The following RCOR1 variants were observed in gnomAD, a reference collection of about 807,000 sequenced individuals.
RCOR1 encodes REST corepressor 1.
Under a neutral mutation model 64.0 loss-of-function variants are expected in RCOR1, and 12 were observed. That is an observed-to-expected ratio of 0.19 (90% CI 0.12 to 0.30). The LOEUF (loss-of-function observed/expected upper bound fraction) is 0.30. RCOR1 is among the 10% of genes least tolerant of loss of function. The pLI is 1.00. For missense variants in RCOR1, 502 were observed against 621.2 expected (o/e 0.81, Z 2.04); for synonymous variants, 279 against 227.2 (o/e 1.23, Z -2.05).
chr14:102,631,242 G>T (rs1187527133), intron 2 of RCOR1, among the ~76,000 whole-genome samples: 1 of 149,624 alleles, frequency 6.7e-6, no homozygotes, highest in South Asian at 2.1e-4. Context: ...TTGCTGTGTC[G>T]CCTGGGCTGG....
intron 2 of RCOR1, among the ~76,000 whole-genome samples, chr14:102,650,025 C>T (rs956098908): frequency 1.3e-4 from 20 of 151,704 alleles, no homozygotes; most frequent in African/African-American, 3.4e-4. Flanking sequence ...GGTGAAACCC[C>T]GTCTCTACTA....
Position 102,707,425 on chromosome 14 carries a change from C to T in RCOR1, c.573C>T (p.Phe191=), listed in dbSNP as rs1216368840. ...CTGATTTGCCCAACTTTACCCCTTTCCCAGATGAGTGGACTGTGGAAGATA... is the reference window on the plus strand; with the variant it reads ...CTGATTTGCCCAACTTTACCCCTTTTCCAGATGAGTGGACTGTGGAAGATA... The part of the protein sequence containing the change: ...SLADLPNFTP[F]PDEWTVEDKV... The change falls in exon 5 of 12, where the codon TTC becomes TTT. Residue 191 remains phenylalanine, a synonymous_variant. Coordinates refer to ENST00000262241, the MANE Select transcript of RCOR1 (RefSeq NM_015156.4). 4 of 1,613,554 alleles carry T rather than the reference C, an allele frequency of 2.5e-6. No homozygotes were observed.
chr14:102,604,256 T>G (rs1001993255), intron 2 of RCOR1, among the ~76,000 whole-genome samples: 4 of 152,208 alleles, frequency 2.6e-5, no homozygotes, highest in African/African-American at 9.6e-5. Context: ...TAGTAGCATA[T>G]AGGTTAAAGG....
intron 2 of RCOR1, among the ~76,000 whole-genome samples, chr14:102,618,452 GA>G (rs1053460893): frequency 2.0e-5 from 3 of 150,332 alleles, no homozygotes; most frequent in South Asian, 2.1e-4. Context: ...TCTTCAGGGG[GA>G]AAAAAAAAGC....
chr14:102,726,283 G>A (rs1896259905), intron 11 of RCOR1, among the ~76,000 whole-genome samples, 185 bp from the exon 12 acceptor site: 1 of 150,538 alleles, frequency 6.6e-6, no homozygotes, highest in South Asian at 2.1e-4. Flanking sequence ...CCGAGATAGC[G>A]CCACTGCACT....
chr14:102,624,439 A>C (rs183499784), intron 2 of RCOR1, among the ~76,000 whole-genome samples: 96 of 150,580 alleles, frequency 6.4e-4, no homozygotes, highest in African/African-American at 2.3e-3. Flanking sequence ...CAGGAGGCAG[A>C]GGTTACAGTG....
At chr14:102,601,642 C>G (rs1476604816) in intron 2 of RCOR1, among the ~76,000 whole-genome samples, 1 of 152,208 alleles carries the variant, frequency 6.6e-6, no homozygotes, top group Non-Finnish European at 1.5e-5. Context: ...CAGAGAAAAT[C>G]TCAGCCAGAG....
chr14:102,595,046 C>T (rs1009647283), intron 2 of RCOR1, among the ~76,000 whole-genome samples: 11 of 152,184 alleles, frequency 7.2e-5, no homozygotes, highest in African/African-American at 2.7e-4. Flanking sequence ...TTCTGACATT[C>T]ATCGAAATAT....
At chr14:102,621,012 C>A (rs1351370945) in intron 2 of RCOR1, among the ~76,000 whole-genome samples, 2 of 152,158 alleles carry the variant, frequency 1.3e-5, no homozygotes, top group East Asian at 3.8e-4. Flanking sequence ...TTCTGGTCAC[C>A]TATTGTTAAA....
intron 11 of RCOR1, among the ~76,000 whole-genome samples, chr14:102,724,881 A>G (rs1781915541): frequency 6.6e-6 from 1 of 152,302 alleles, no homozygotes; most frequent in Non-Finnish European, 1.5e-5. Context: ...CAGCTGAGAA[A>G]GATGTCTGCT....
rs549492981 is a variant in RCOR1 at position 102,723,010 on chromosome 14, T to TG, written c.1419+595dup. Among the ~76,000 whole-genome samples, 57 of 152,332 alleles carry TG rather than the reference T, an allele frequency of 3.7e-4. 3 individuals are homozygous for TG. The South Asian group carries it at 0.011, about 30-fold the overall frequency. The stretch of plus-strand genomic sequence containing the variant: ...ACCCTGGTCTCATCTGTCACCTCCC[T>TG]GCTTCCTGTGTCAGGGGCACCTGCC... On this transcript the variant is annotated intron_variant, in intron 11 of 11. Coordinates refer to ENST00000262241, the MANE Select transcript of RCOR1 (RefSeq NM_015156.4).
At chr14:102,725,274 C>T (rs1215716660) in intron 11 of RCOR1, among the ~76,000 whole-genome samples, 6 of 152,148 alleles carry the variant, frequency 3.9e-5, no homozygotes, top group African/African-American at 7.2e-5. Context: ...AATCACTTTG[C>T]GATTTTGGAT....
intron 8 of RCOR1, among the ~76,000 whole-genome samples, chr14:102,715,460 TA>T (rs1391408040): frequency 6.8e-6 from 1 of 147,746 alleles, no homozygotes; most frequent in African/African-American, 2.5e-5. Context: ...TGGCTCACTG[TA>T]ACCTTTGCTT....
intron 2 of RCOR1, among the ~76,000 whole-genome samples, chr14:102,646,203 G>C (rs976211803): frequency 6.6e-6 from 1 of 152,152 alleles, no homozygotes; most frequent in Non-Finnish European, 1.5e-5. Flanking sequence ...TTACATCCCT[G>C]TCTGATCACC....
chr14:102,718,751 C>T (rs1408538012), intron 8 of RCOR1, among the ~76,000 whole-genome samples: 4 of 151,702 alleles, frequency 2.6e-5, no homozygotes, highest in Non-Finnish European at 5.9e-5. Flanking sequence ...TGTTTTTTTC[C>T]TGCTTAATAA....
In RCOR1 at chr14:102,592,710, C is replaced by A. The variant is rs1353854632; in HGVS notation, c.-177C>A. The A allele has an allele frequency of 1.6e-6, 2 of 1,226,176 alleles. No homozygotes were observed. The highest frequency in any genetic ancestry group is 2.0e-6 in the Non-Finnish European group (2 of 984,550). 76.0% of individuals were successfully genotyped at this position (1,226,176 alleles called of 1,614,324 possible). A position where few individuals can be genotyped will look rare whatever the true frequency, so the allele number is the denominator to read the frequency against. The stretch of plus-strand genomic sequence containing the variant: ...GTTGCGCTCGGCTCGTCGCTGGGGG[C>A]TTGAAGCGGCTCCGCGCTCTGCCCG... On this transcript the variant is annotated 5_prime_UTR_variant, in exon 1 of 12. Coordinates refer to ENST00000262241, the MANE Select transcript of RCOR1 (RefSeq NM_015156.4).
At chr14:102,593,235 C>T (rs1464530390) in intron 1 of RCOR1, 31 bp from the exon 2 acceptor site, 3 of 1,491,286 alleles carry the variant, frequency 2.0e-6, no homozygotes, top group African/African-American at 2.9e-5. Flanking sequence ...CCCCGCGCCG[C>T]GCTGACCGCC....
chr14:102,607,100 A>G (rs1042445076), intron 2 of RCOR1, among the ~76,000 whole-genome samples: 7 of 151,890 alleles, frequency 4.6e-5, no homozygotes, highest in Non-Finnish European at 7.4e-5. Flanking sequence ...CGTCTGGCTG[A>G]TTTTGTATTT....
At chr14:102,641,318 A>G (rs1645440086) in intron 2 of RCOR1, among the ~76,000 whole-genome samples, 1 of 151,708 alleles carries the variant, frequency 6.6e-6, no homozygotes, top group Non-Finnish European at 1.5e-5. Flanking sequence ...ATATTTATGC[A>G]GCTGGGCACA....
Sources: allele counts gnomAD v4.1 joint callset (sites outside exome capture counted in the v4.1 genomes callset), GRCh38; gene constraint gnomAD v4.1.1; transcripts MANE v1.5; gene names NCBI Gene and HGNC (gene_info 2026-07-23, HGNC 2026-07-21).